The following ZFHX3 variants were observed in gnomAD, a reference collection of about 807,000 sequenced individuals.
ZFHX3 encodes zinc finger homeobox protein 3.
In ZFHX3, 42 loss-of-function variants were observed where a neutral mutation model predicts 279.1. That is an observed-to-expected ratio of 0.15 (90% confidence interval 0.12 to 0.19). The LOEUF (loss-of-function observed/expected upper bound fraction) is 0.19, where lower values mean the gene tolerates loss of function less well. Ranked by LOEUF, ZFHX3 falls within the 10% of genes least tolerant of loss-of-function variation. The probability of loss-of-function intolerance (pLI) is 1.00; values close to 1 mark genes in which losing one functional copy is unlikely to be tolerated. For synonymous variants in ZFHX3, 2,293 were observed against 1,957.8 expected, an observed-to-expected ratio of 1.17 and a Z score of -4.52; for missense variants, 4,981 against 4,754.0, an observed-to-expected ratio of 1.05 and a Z score of -1.40.
intron 3 of ZFHX3, among the ~76,000 whole-genome samples, chr16:73,367,643 G>T (rs955659435): frequency 1.4e-4 from 21 of 152,258 alleles, no homozygotes; most frequent in Admixed American, 7.2e-4. Context: ...GGGACTTAAG[G>T]ATTACAGGTG....
At chr16:73,887,869 A>C (rs1567440771) in intron 1 of ZFHX3, among the ~76,000 whole-genome samples, 1 of 150,998 alleles carries the variant, frequency 6.6e-6, no homozygotes, top group Non-Finnish European at 1.5e-5. Context: ...TTTTAAAAAA[A>C]CAAACTTTTC....
chr16:73,649,064 A>G (rs1328436379), intron 2 of ZFHX3, among the ~76,000 whole-genome samples: 1 of 152,244 alleles, frequency 6.6e-6, no homozygotes, highest in Non-Finnish European at 1.5e-5. Flanking sequence ...AGAGATCAAC[A>G]GGAACAAAAT....
intron 1 of ZFHX3, among the ~76,000 whole-genome samples, chr16:73,012,075 C>T (rs1467081300): frequency 1.3e-5 from 2 of 152,160 alleles, no homozygotes; most frequent in African/African-American, 2.4e-5. Context: ...AATGTCACAG[C>T]CACTTCAAAA....
chr16:73,265,015 C>CATAT (rs59599339), intron 4 of ZFHX3, among the ~76,000 whole-genome samples: 10,557 of 141,978 alleles, frequency 0.074, 605 homozygotes, highest in African/African-American at 0.16. Flanking sequence ...CACCTCAGTG[C>CATAT]ATATATATAT....
chr16:73,548,397 C>A (rs1234642208), intron 2 of ZFHX3, among the ~76,000 whole-genome samples: 2 of 151,802 alleles, frequency 1.3e-5, no homozygotes, highest in African/African-American at 4.8e-5. Flanking sequence ...ACCTTTTGTG[C>A]TTAACTGGGT....
At chr16:72,962,938 C>G (rs1189528055) in intron 1 of ZFHX3, among the ~76,000 whole-genome samples, 3 of 152,052 alleles carry the variant, frequency 2.0e-5, no homozygotes, top group Admixed American at 6.5e-5. Flanking sequence ...TCCTGTGGCT[C>G]AAGGGTCTCA....
intron 7 of ZFHX3, among the ~76,000 whole-genome samples, chr16:73,117,293 G>A (rs993978415): frequency 4.6e-5 from 7 of 151,678 alleles, no homozygotes; most frequent in South Asian, 2.1e-4. Context: ...CATAAATACT[G>A]TTGTATAATA....
chr16:73,158,711 G>T (rs896400288), intron 5 of ZFHX3, among the ~76,000 whole-genome samples: 2 of 152,112 alleles, frequency 1.3e-5, no homozygotes, highest in East Asian at 3.9e-4. Flanking sequence ...AAACAGCATG[G>T]TACTGGTACA....
chr16:72,887,461 C>T (rs925113019), intron 4 of ZFHX3, among the ~76,000 whole-genome samples: 10 of 151,988 alleles, frequency 6.6e-5, no homozygotes, highest in Admixed American at 6.6e-4. Context: ...ATTAATATAA[C>T]CCCCAATTAT....
In ZFHX3 at chr16:73,541,956, C is replaced by T. The variant is rs375363296; in HGVS notation, c.-1546-85698G>A. ...AGCTAGGACTATAGGCACCTGCCAC[C>T]GTGCCTGGCTAATTTTTGTATTTTT... On this transcript the variant is annotated intron_variant, in intron 2 of 17. Transcript: ENST00000641206. 1.3e-4 allele frequency among the ~76,000 whole-genome samples: 19 copies of T among 151,952 alleles called. No individual in the cohort carries two copies. In the South Asian group the frequency reaches 3.1e-3, roughly 25 times the overall value.
In ZFHX3 at chr16:72,934,687, C is replaced by T. The variant is rs554778494; in HGVS notation, c.3216+15782G>A. On this transcript the variant is annotated intron_variant, in intron 3 of 9. Coordinates refer to ENST00000268489, the MANE Select transcript of ZFHX3 (RefSeq NM_006885.4). The stretch of plus-strand genomic sequence containing the variant: ...CCTTCACCTTCATAACTCTTGTGTC[C>T]GCATTTGACGGCTCTTACTGAATGA... Among the ~76,000 whole-genome samples the T allele has an allele frequency of 9.6e-5, 14 of 146,532 alleles. No homozygotes were observed. In the South Asian group the frequency reaches 2.6e-3, roughly 27 times the overall value.
At chr16:72,836,341 T>C (rs1320955605) in intron 4 of ZFHX3, among the ~76,000 whole-genome samples, 3 of 152,202 alleles carry the variant, frequency 2.0e-5, no homozygotes, top group Non-Finnish European at 4.4e-5. Context: ...AGCAACCTAC[T>C]CTGCAACATC....
intron 4 of ZFHX3, among the ~76,000 whole-genome samples, chr16:73,274,012 T>C (rs1185551408): frequency 6.6e-6 from 1 of 151,960 alleles, no homozygotes; most frequent in African/African-American, 2.4e-5. Context: ...GGCATGGTGG[T>C]GCGCGCCTGT....
Position 72,794,394 on chromosome 16 carries a change from T to C in ZFHX3, c.8288A>G (p.Asp2763Gly). Residue 2763 changes from aspartate to glycine, a missense_variant, in exon 9 of 10, where the codon GAT becomes GGT. This residue lies in a region of ZFHX3 where 744 missense variants were observed against 701.3 expected (regional missense o/e 1.06). Transcript: ENST00000268489. This position sits in a 1 kb window ranked among gnomAD's most constrained non-coding sequence, Gnocchi z 4.2. ...DCDGGLQMKGDIFDGTSFSHL... is the reference protein window; with the variant it reads ...DCDGGLQMKGGIFDGTSFSHL... ...GGAAAAGCTAGTTCCGTCAAAAATA[T>C]CTCCTTTCATCTGGAGTCCCCCATC... 3 of 1,606,430 alleles carry C rather than the reference T, an allele frequency of 1.9e-6. No individual in the cohort carries two copies. Among genetic ancestry groups the C allele is most frequent in the Admixed American group, 1.7e-5 (1 of 59,280 alleles).
intron 2 of ZFHX3, among the ~76,000 whole-genome samples, chr16:73,604,154 G>T (rs1034032797): frequency 6.6e-6 from 1 of 151,862 alleles, no homozygotes; most frequent in Non-Finnish European, 1.5e-5. Context: ...TATATATATA[G>T]ATAGATATAG....
chr16:72,932,767 TAAG>T (rs1164453151), intron 3 of ZFHX3, among the ~76,000 whole-genome samples: 1 of 152,108 alleles, frequency 6.6e-6, no homozygotes, highest in Non-Finnish European at 1.5e-5. Context: ...TTGTGTGGTC[TAAG>T]AAGACGATGG....
intron 3 of ZFHX3, among the ~76,000 whole-genome samples, chr16:73,455,112 G>A (rs898303768): frequency 7.2e-5 from 11 of 152,154 alleles, no homozygotes; most frequent in African/African-American, 1.9e-4. Flanking sequence ...CACAGATGGA[G>A]TAGCTCATAA....
At chr16:73,830,829 T>C (rs1960977019) in intron 1 of ZFHX3, among the ~76,000 whole-genome samples, 1 of 152,188 alleles carries the variant, frequency 6.6e-6, no homozygotes, top group African/African-American at 2.4e-5. Context: ...AAGATGCCGT[T>C]CCTCTGGTCA....
chr16:73,389,516 T>C (rs1416303530), intron 3 of ZFHX3, among the ~76,000 whole-genome samples: 1 of 152,220 alleles, frequency 6.6e-6, no homozygotes, highest in Non-Finnish European at 1.5e-5. Context: ...AGAAGGCGTA[T>C]TTTAGATTGT....
Sources: allele counts gnomAD v4.1 joint callset (sites outside exome capture counted in the v4.1 genomes callset), GRCh38; gene constraint gnomAD v4.1.1; regional missense constraint gnomAD v4.1.1; non-coding constraint Gnocchi (gnomAD v3.1); transcripts MANE v1.5; gene names NCBI Gene and HGNC (gene_info 2026-07-23, HGNC 2026-07-21).